Variants in CACNA1D observed in about 807,000 individuals in gnomAD.
CACNA1D encodes voltage-dependent L-type calcium channel subunit alpha-1D.
In CACNA1D, 55 loss-of-function variants were observed where a neutral mutation model predicts 257.1. That is an observed-to-expected ratio of 0.21 (90% CI 0.17 to 0.27). CACNA1D has a LOEUF of 0.27. Among genes scored for constraint, CACNA1D ranks in the 10% least tolerant of loss-of-function variants. CACNA1D has a pLI of 1.00. For synonymous variants in CACNA1D, 980 were observed against 1,014.9 expected (o/e 0.97, Z 0.65); for missense variants, 1,876 against 2,784.0 (o/e 0.67, Z 7.34).
At chr3:53,653,924 G>GGAGAAAACCTTAAAACAGAGAA in intron 4 of CACNA1D, among the ~76,000 whole-genome samples, 1 of 152,080 alleles carries the variant, frequency 6.6e-6, no homozygotes. Flanking sequence ...CCAAAGATAA[G>GGAGAAAACCTTAAAACAGAGAA]GAGAAAACCT....
chr3:53,753,483 A>C, intron 28 of CACNA1D, 89 bp from the exon 29 acceptor site: 1 of 891,562 alleles, frequency 1.1e-6, no homozygotes, highest in Non-Finnish European at 1.9e-6. Context: ...GGATGCCCAC[A>C]GGGGCACAGA....
At chr3:53,589,140 C>T (rs1452106210) in intron 3 of CACNA1D, among the ~76,000 whole-genome samples, 1 of 152,162 alleles carries the variant, frequency 6.6e-6, no homozygotes, top group African/African-American at 2.4e-5. Flanking sequence ...AAATGAACTT[C>T]ATGTCTTGTA....
chr3:53,687,624 A>G (rs868349075), intron 8 of CACNA1D, among the ~76,000 whole-genome samples: 2 of 152,190 alleles, frequency 1.3e-5, no homozygotes, highest in Non-Finnish European at 1.5e-5. Flanking sequence ...AGATCTAATT[A>G]AAAAGCTAAA....
intron 8 of CACNA1D, among the ~76,000 whole-genome samples, chr3:53,690,952 T>C (rs1342212768): frequency 1.3e-5 from 2 of 152,198 alleles, no homozygotes; most frequent in Non-Finnish European, 2.9e-5. Flanking sequence ...GTGCACATCT[T>C]CCTTATTTTT....
At chr3:53,790,638 C>G (rs1309852728) in intron 40 of CACNA1D, among the ~76,000 whole-genome samples, 1 of 152,198 alleles carries the variant, frequency 6.6e-6, no homozygotes, top group Non-Finnish European at 1.5e-5. Context: ...GCCCGAGCCG[C>G]CAGTTGGCGA....
At chr3:53,752,652 C>T (rs1052252941) in intron 28 of CACNA1D, among the ~76,000 whole-genome samples, 5 of 152,208 alleles carry the variant, frequency 3.3e-5, no homozygotes, top group African/African-American at 1.2e-4. Context: ...GTTGCCTCAG[C>T]CTCCCAAAGT....
intron 9 of CACNA1D, among the ~76,000 whole-genome samples, chr3:53,717,440 T>C (rs557208722): frequency 2.4e-4 from 37 of 152,300 alleles, no homozygotes; most frequent in African/African-American, 8.2e-4. Flanking sequence ...TTGAATCAAG[T>C]GGATGAGAAA....
intron 5 of CACNA1D, among the ~76,000 whole-genome samples, 157 bp downstream of exon 5, chr3:53,660,432 G>A (rs2094192179): frequency 1.3e-5 from 2 of 152,200 alleles, no homozygotes; most frequent in African/African-American, 2.4e-5. Flanking sequence ...ACTTTGGCTT[G>A]CACTGTCACG....
chr3:53,524,145 GTGCTCATTTTGCC>G (rs1218497312), intron 3 of CACNA1D, among the ~76,000 whole-genome samples: 7 of 152,302 alleles, frequency 4.6e-5, no homozygotes, highest in Admixed American at 6.5e-5. Context: ...TGGGGGGAAG[GTGCTCATTTTGCC>G]TTTGAACTTG....
intron 20 of CACNA1D, among the ~76,000 whole-genome samples, chr3:53,738,791 T>C (rs181852404): frequency 1.3e-5 from 2 of 150,990 alleles, no homozygotes; most frequent in South Asian, 2.1e-4. Context: ...GCAAGCAGAG[T>C]GAGGGAAAAA....
chr3:53,740,388 T>C (rs1021639961), intron 21 of CACNA1D, 49 bp downstream of exon 21: 1 of 1,232,940 alleles, frequency 8.1e-7, no homozygotes, highest in Non-Finnish European at 1.2e-6. Flanking sequence ...GCTGGAGCAA[T>C]AATAGTTGCA....
intron 3 of CACNA1D, among the ~76,000 whole-genome samples, chr3:53,534,303 G>A (rs900656591): frequency 1.3e-4 from 20 of 152,132 alleles, no homozygotes; most frequent in African/African-American, 4.6e-4. Flanking sequence ...TCAACTGATT[G>A]CTTTTCCTTC....
At chr3:53,777,070 A>G in intron 37 of CACNA1D, 114 bp downstream of exon 37, 3 of 776,590 alleles carry the variant, frequency 3.9e-6, no homozygotes, top group South Asian at 2.9e-5. Flanking sequence ...GGATGCAGCA[A>G]TGAATAATAT....
At chr3:53,718,601 C>CCCCCCCAAA in intron 10 of CACNA1D, 2 of 1,103,178 alleles carry the variant, frequency 1.8e-6, no homozygotes, top group Non-Finnish European at 2.7e-6. Context: ...CCCCCCGGCC[C>CCCCCCCAAA]AGCATTTCAC....
intron 40 of CACNA1D, chr3:53,796,500 ACAGGCAGCAAAAGCATTGCAAATG>A: frequency 2.4e-6 from 1 of 417,746 alleles, no homozygotes; most frequent in Admixed American, 2.5e-5. Context: ...GCTTAGGGAC[ACAGGCAGCAAAAGCATTGCAAATG>A]CATCTAGGCA....
At chr3:53,639,353 A>G (rs1160007722) in intron 3 of CACNA1D, among the ~76,000 whole-genome samples, 2 of 151,736 alleles carry the variant, frequency 1.3e-5, no homozygotes, top group Non-Finnish European at 2.9e-5. Context: ...TAGGAACATG[A>G]CTGAGCAACA....
Position 53,642,704 on chromosome 3 carries a change from C to T in CACNA1D, c.484-8075C>T, listed in dbSNP as rs141230918. On this transcript the variant is annotated intron_variant, in intron 3 of 47. Transcript: ENST00000350061. ...GGCTCCGTAGAGTGGTCCACCAGGTCACCCTGCTGGCCACCTCCATTTGTC... is the reference window on the plus strand; with the variant it reads ...GGCTCCGTAGAGTGGTCCACCAGGTTACCCTGCTGGCCACCTCCATTTGTC... Among the ~76,000 whole-genome samples the T allele has an allele frequency of 3.8e-3, 586 of 152,374 alleles. 4 individuals carry two copies. Among genetic ancestry groups the T allele is most frequent in the Middle Eastern group, 6.8e-3 (2 of 294 alleles).
Position 53,555,437 on chromosome 3 carries a change from G to GGT in CACNA1D, c.483+53740_483+53741dup, listed in dbSNP as rs1165879084. 1.4e-3 allele frequency among the ~76,000 whole-genome samples: 170 copies of GGT among 122,890 alleles called. 1 individual carries two copies. The highest frequency in any genetic ancestry group is 3.0e-3 in the East Asian group (13 of 4,330). 80.6% of individuals were successfully genotyped at this position (122,890 alleles called of 152,430 possible). The stretch of plus-strand genomic sequence containing the variant: ...TGCTCTCTGGCTGCTTTTTCTGGTG[G>GGT]GTGTGTGTGTGTGTGTGTGTGTGTT... On this transcript the variant is annotated intron_variant, in intron 3 of 47. Coordinates refer to ENST00000350061, the MANE Select transcript of CACNA1D (RefSeq NM_001128840.3).
At chr3:53,730,697 A>G (rs1273347453) in intron 16 of CACNA1D, 141 bp downstream of exon 16, 7 of 711,810 alleles carry the variant, frequency 9.8e-6, no homozygotes, top group South Asian at 1.6e-5. Context: ...TTGACCATGC[A>G]CTGCAGACCA....
Sources: gnomAD v4.1 joint callset for allele counts (sites outside exome capture counted in the v4.1 genomes callset) on GRCh38, gnomAD v4.1.1 for gene constraint, MANE v1.5 for transcripts, NCBI Gene and HGNC (gene_info 2026-07-23, HGNC 2026-07-21) for gene names.